The following KLF7 variants were observed in gnomAD, a reference collection of about 807,000 sequenced individuals.
KLF7 encodes the protein Krueppel-like factor 7.
KLF7 carries 2 observed loss-of-function variants against 27.3 expected under a neutral mutation model. The ratio of observed to expected loss-of-function variants is 0.07; its 90% CI spans 0.03 to 0.23. KLF7 has a LOEUF of 0.23. Ranked by LOEUF, KLF7 falls within the 10% of genes least tolerant of loss-of-function variation. KLF7 has a pLI of 1.00. For missense variants in KLF7, 221 were observed against 394.1 expected, an observed-to-expected ratio of 0.56 and a Z score of 3.72; for synonymous variants, 165 against 162.4, an observed-to-expected ratio of 1.02 and a Z score of -0.12.
At chr2:207,089,623 A>G (rs1197131240) in intron 2 of KLF7, among the ~76,000 whole-genome samples, 1 of 152,154 alleles carries the variant, frequency 6.6e-6, no homozygotes, top group East Asian at 1.9e-4. Context: ...TGTGGTTAAG[A>G]GCTTTGAAGC....
Position 207,165,718 on chromosome 2 carries a change from A to C in KLF7, c.-150T>G, listed in dbSNP as rs1318545472. On this transcript the variant is annotated 5_prime_UTR_variant, in exon 1 of 4. Coordinates refer to ENST00000309446, the MANE Select transcript of KLF7 (RefSeq NM_003709.4). The stretch of plus-strand genomic sequence containing the variant: ...TTTGTTTCAGTCAACTAAAAAGGAA[A>C]AAAAAAAATCAATGCAGGAGAGGGA... The C allele has an allele frequency of 6.8e-7, 1 of 1,462,990 alleles. No homozygotes were observed. The highest frequency in any genetic ancestry group is 9.0e-7 in the Non-Finnish European group (1 of 1,114,728). 90.6% of individuals were successfully genotyped at this position (1,462,990 alleles called of 1,614,324 possible).
intron 2 of KLF7, among the ~76,000 whole-genome samples, chr2:207,092,453 G>T (rs1409049515): frequency 6.6e-6 from 1 of 152,208 alleles, no homozygotes; most frequent in East Asian, 1.9e-4. Context: ...AACAACCCTA[G>T]GATACTTGTT....
At chr2:207,135,483 C>T (rs1017469817) in intron 1 of KLF7, among the ~76,000 whole-genome samples, 30 of 149,218 alleles carry the variant, frequency 2.0e-4, no homozygotes, top group Non-Finnish European at 2.4e-4. Flanking sequence ...AGCCTCACAA[C>T]ATCTAAAACG....
chr2:207,087,206 T>C (rs2076410171), intron 3 of KLF7, among the ~76,000 whole-genome samples: 2 of 152,272 alleles, frequency 1.3e-5, no homozygotes, highest in South Asian at 4.1e-4. Context: ...TAAAGTACAC[T>C]TCCTCAGCCC....
chr2:207,075,475 G>T lies in KLF7; in HGVS notation c.*5738C>A, dbSNP rs1055851026. ...GAGAAGGCCTGAGAGAATGTGACGGGGGGAGGCGGGGAAGGAGACGGGGCT... is the reference window on the plus strand; with the variant it reads ...GAGAAGGCCTGAGAGAATGTGACGGTGGGAGGCGGGGAAGGAGACGGGGCT... On this transcript the variant is annotated 3_prime_UTR_variant, in exon 4 of 4. Transcript: ENST00000309446. The T allele has an allele frequency of 6.6e-6, 1 of 152,024 alleles. No homozygotes were observed. The highest frequency in any genetic ancestry group is 1.5e-5 in the Non-Finnish European group (1 of 68,010). The allele number at this position is 152,024 out of a possible 1,614,324, so 9.4% of individuals were successfully genotyped here.
chr2:207,116,897 T>G (rs748728973), intron 2 of KLF7, among the ~76,000 whole-genome samples: 3 of 152,206 alleles, frequency 2.0e-5, no homozygotes, highest in Non-Finnish European at 4.4e-5. Flanking sequence ...ATCCAAACTA[T>G]ATTCTGAGAT....
rs1198301151 is a variant in KLF7 at position 207,160,735 on chromosome 2, C to T, written c.102+4732G>A. Among the ~76,000 whole-genome samples the T allele has an allele frequency of 2.0e-5, 3 of 152,200 alleles. No homozygotes were observed. The South Asian group carries it at 6.2e-4, about 32-fold the overall frequency. On this transcript the variant is annotated intron_variant, in intron 1 of 3. Coordinates refer to ENST00000309446, the MANE Select transcript of KLF7 (RefSeq NM_003709.4). ...TGGCTATTAAAGGCCCCATTAGGAC[C>T]CTCTCTGAACTATCTCCATTTAAGT...
intron 1 of KLF7, among the ~76,000 whole-genome samples, chr2:207,156,577 G>T (rs903124997): frequency 6.6e-6 from 1 of 152,246 alleles, no homozygotes; most frequent in African/African-American, 2.4e-5. Flanking sequence ...TTGAAACCCA[G>T]CAAGGCTGGA....
At chr2:207,144,972 C>G (rs2078058580) in intron 1 of KLF7, among the ~76,000 whole-genome samples, 1 of 152,152 alleles carries the variant, frequency 6.6e-6, no homozygotes, top group Non-Finnish European at 1.5e-5. Context: ...ACATACCAAG[C>G]CAGAATCAGA....
intron 1 of KLF7, among the ~76,000 whole-genome samples, chr2:207,156,622 G>A (rs1395406635): frequency 1.3e-5 from 2 of 152,182 alleles, no homozygotes; most frequent in Non-Finnish European, 2.9e-5. Flanking sequence ...TTCCAAATAT[G>A]GAATTTGACC....
At chr2:207,108,018 G>A (rs1243077895) in intron 2 of KLF7, among the ~76,000 whole-genome samples, 1 of 152,136 alleles carries the variant, frequency 6.6e-6, no homozygotes, top group Non-Finnish European at 1.5e-5. Context: ...AATGCTTAAC[G>A]GTGAGCTTGT....
intron 1 of KLF7, among the ~76,000 whole-genome samples, chr2:207,158,972 T>G (rs1325651998): frequency 1.3e-5 from 2 of 152,212 alleles, no homozygotes; most frequent in African/African-American, 4.8e-5. Flanking sequence ...CCTTGGAGAG[T>G]GCAATGCCTC....
chr2:207,159,746 C>T (rs1246357925), intron 1 of KLF7, among the ~76,000 whole-genome samples: 3 of 152,154 alleles, frequency 2.0e-5, no homozygotes, highest in Non-Finnish European at 4.4e-5. Context: ...TGATACTAGA[C>T]TCAGATCTCA....
intron 2 of KLF7, among the ~76,000 whole-genome samples, chr2:207,109,578 G>A (rs558366719): frequency 7.9e-5 from 12 of 152,262 alleles, no homozygotes; most frequent in African/African-American, 2.6e-4. Flanking sequence ...TGAAACACTT[G>A]GCAACTGTAA....
chr2:207,169,386 T>C (rs1430181532), upstream of KLF7, among the ~76,000 whole-genome samples: 1 of 152,174 alleles, frequency 6.6e-6, no homozygotes, highest in Non-Finnish European at 1.5e-5. Flanking sequence ...TTTGCTTCAT[T>C]AGTGTAGGAA....
intron 2 of KLF7, among the ~76,000 whole-genome samples, chr2:207,118,834 T>A (rs1419780445): frequency 6.6e-6 from 1 of 152,260 alleles, no homozygotes; most frequent in Admixed American, 6.5e-5. Flanking sequence ...AGGCCTTTCA[T>A]TACATGTGTG....
chr2:207,124,443 AG>A (rs759250711), intron 1 of KLF7, 39 bp from the exon 2 acceptor site: 2 of 1,529,940 alleles, frequency 1.3e-6, no homozygotes, highest in East Asian at 4.5e-5. Flanking sequence ...CAGCCATCAG[AG>A]GCACAGAACA....
chr2:207,143,675 T>G (rs1424442451), intron 1 of KLF7, among the ~76,000 whole-genome samples: 1 of 152,132 alleles, frequency 6.6e-6, no homozygotes, highest in East Asian at 1.9e-4. Flanking sequence ...GGCAAATGGA[T>G]TTGGCTATGG....
chr2:207,139,597 T>G (rs1215626673), intron 1 of KLF7, among the ~76,000 whole-genome samples: 1 of 152,196 alleles, frequency 6.6e-6, no homozygotes, highest in Non-Finnish European at 1.5e-5. Flanking sequence ...CAAGGATTCC[T>G]GATGAAGATT....
Sources: allele counts gnomAD v4.1 joint callset (sites outside exome capture counted in the v4.1 genomes callset), GRCh38; gene constraint gnomAD v4.1.1; transcripts MANE v1.5; gene names NCBI Gene and HGNC (gene_info 2026-07-23, HGNC 2026-07-21).